The following SEMA3A variants were observed in gnomAD, a reference collection of about 807,000 sequenced individuals.
SEMA3A encodes the protein semaphorin-3A.
SEMA3A carries 29 observed loss-of-function variants against 97.9 expected under a neutral mutation model. That is an observed-to-expected ratio of 0.30 (90% CI 0.22 to 0.40). The LOEUF is 0.40. Among genes scored for constraint, SEMA3A ranks in the 10% least tolerant of loss-of-function variants. The pLI is 1.00. For synonymous variants in SEMA3A, 321 were observed against 323.7 expected (o/e 0.99, Z 0.09); for missense variants, 763 against 951.3 (o/e 0.80, Z 2.60).
chr7:84,136,948 A>ATGAG (rs1171660551), intron 1 of SEMA3A, among the ~76,000 whole-genome samples: 1 of 118,072 alleles, frequency 8.5e-6, no homozygotes, highest in Non-Finnish European at 1.9e-5. Flanking sequence ...GAGGGAGGGA[A>ATGAG]GGAGGGAGGG....
At chr7:84,445,572 C>G (rs1805394537) in intron 1 of SEMA3A, among the ~76,000 whole-genome samples, 2 of 130,552 alleles carry the variant, frequency 1.5e-5, no homozygotes, top group South Asian at 5.2e-4. Context: ...GAAAGGAAAA[C>G]TTGAAAATTC....
At chr7:84,021,448 A>G (rs1354578956) in intron 6 of SEMA3A, among the ~76,000 whole-genome samples, 2 of 152,158 alleles carry the variant, frequency 1.3e-5, no homozygotes, top group African/African-American at 4.8e-5. Context: ...TTCCCACTGC[A>G]ACTATCCGCA....
intron 1 of SEMA3A, among the ~76,000 whole-genome samples, chr7:84,417,643 A>G (rs1255945761): frequency 6.6e-6 from 1 of 152,100 alleles, no homozygotes; most frequent in Non-Finnish European, 1.5e-5. Flanking sequence ...TAATTTTAAA[A>G]ATGACTTTTT....
intron 12 of SEMA3A, among the ~76,000 whole-genome samples, chr7:83,997,464 T>G (rs1790267269): frequency 6.6e-6 from 1 of 152,170 alleles, no homozygotes; most frequent in African/African-American, 2.4e-5. Flanking sequence ...GACCACAATA[T>G]ATGTATGAAC....
At chr7:84,481,165 A>G (rs1174417071) in intron 1 of SEMA3A, among the ~76,000 whole-genome samples, 3 of 152,158 alleles carry the variant, frequency 2.0e-5, no homozygotes, top group Non-Finnish European at 4.4e-5. Flanking sequence ...CTTCTAAGTA[A>G]AGAAAGATAC....
At chr7:84,266,057 A>T (rs1170683871) in intron 3 of SEMA3A, among the ~76,000 whole-genome samples, 2 of 152,114 alleles carry the variant, frequency 1.3e-5, no homozygotes, top group Non-Finnish European at 2.9e-5. Context: ...GGTAGCTCAC[A>T]TCTGTAATCC....
chr7:84,331,634 C>A (rs1023169981), intron 2 of SEMA3A, among the ~76,000 whole-genome samples: 2 of 151,936 alleles, frequency 1.3e-5, no homozygotes, highest in East Asian at 1.9e-4. Context: ...GCCTGGAAAG[C>A]CATAAAGAAA....
chr7:84,179,869 C>T lies in SEMA3A; in HGVS notation c.112+14606G>A, dbSNP rs1797684792. Among the ~76,000 whole-genome samples the T allele has an allele frequency of 2.0e-5, 3 of 149,286 alleles. No individual in the cohort carries two copies. In the Admixed American group the frequency reaches 2.0e-4, roughly 10 times the overall value. ...GGACCCCTATACCAAATTGTAACAA[C>T]AACAACATACAAACACTCACATATT... On this transcript the variant is annotated intron_variant, in intron 1 of 16. Coordinates refer to ENST00000265362, the MANE Select transcript of SEMA3A (RefSeq NM_006080.3).
intron 2 of SEMA3A, among the ~76,000 whole-genome samples, chr7:84,349,081 T>A (rs1359238838): frequency 2.0e-5 from 3 of 152,224 alleles, no homozygotes; most frequent in African/African-American, 4.8e-5. Flanking sequence ...TCAAGTTGTA[T>A]AAGAATTGTT....
Position 83,965,627 on chromosome 7 carries a change from CAT to C in SEMA3A, c.1718-2282_1718-2281del, listed in dbSNP as rs869210450. ...AATACCAATGTAACACCAATGGGTGCATATATATATATATATATATATATATA... is the reference window on the plus strand; with the variant it reads ...AATACCAATGTAACACCAATGGGTGCATATATATATATATATATATATATA... On this transcript the variant is annotated intron_variant, in intron 15 of 16. Coordinates refer to ENST00000265362, the MANE Select transcript of SEMA3A (RefSeq NM_006080.3). 7.7e-3 allele frequency among the ~76,000 whole-genome samples: 197 copies of C among 25,428 alleles called. 1 individual carries two copies. Among genetic ancestry groups the C allele is most frequent in the East Asian group, 0.011 (4 of 348 alleles). 16.7% of individuals were successfully genotyped at this position (25,428 alleles called of 152,430 possible).
chr7:84,069,553 C>A (rs552691485), intron 4 of SEMA3A, among the ~76,000 whole-genome samples: 64 of 151,990 alleles, frequency 4.2e-4, no homozygotes, highest in Middle Eastern at 3.4e-3. Context: ...TGACCTTTCA[C>A]AATGCATTGA....
At chr7:84,480,007 A>C (rs1055571100) in intron 1 of SEMA3A, among the ~76,000 whole-genome samples, 18 of 152,182 alleles carry the variant, frequency 1.2e-4, no homozygotes, top group African/African-American at 4.3e-4. Flanking sequence ...ATAAGGGTCT[A>C]AAGTATCCAG....
chr7:84,031,214 A>G (rs1239616751), intron 6 of SEMA3A, among the ~76,000 whole-genome samples: 3 of 151,636 alleles, frequency 2.0e-5, no homozygotes, highest in Non-Finnish European at 4.4e-5. Context: ...GATAGTCTCG[A>G]TCTCCTGACC....
At chr7:84,215,019 A>G (rs538793298) in intron 3 of SEMA3A, among the ~76,000 whole-genome samples, 2 of 151,226 alleles carry the variant, frequency 1.3e-5, no homozygotes, top group Admixed American at 1.3e-4. Flanking sequence ...TTCCAGGCGC[A>G]TGACACCACG....
At chr7:84,424,496 T>C (rs1804694077) in intron 1 of SEMA3A, among the ~76,000 whole-genome samples, 1 of 102,258 alleles carries the variant, frequency 9.8e-6, no homozygotes, top group Non-Finnish European at 1.7e-5. Flanking sequence ...TGATATATAA[T>C]ATATAATATA....
At chr7:84,410,535 G>T (rs1194873194) in intron 1 of SEMA3A, among the ~76,000 whole-genome samples, 1 of 152,080 alleles carries the variant, frequency 6.6e-6, no homozygotes, top group Non-Finnish European at 1.5e-5. Flanking sequence ...AAGGAGAGGT[G>T]CTAGTTTCCA....
At chr7:84,031,804 C>A (rs1791769095) in intron 6 of SEMA3A, among the ~76,000 whole-genome samples, 1 of 151,870 alleles carries the variant, frequency 6.6e-6, no homozygotes, top group Non-Finnish European at 1.5e-5. Flanking sequence ...CCATTGCACT[C>A]CAGCCTGGGC....
intron 1 of SEMA3A, among the ~76,000 whole-genome samples, chr7:84,137,269 C>T (rs920375168): frequency 6.6e-6 from 1 of 151,666 alleles, no homozygotes; most frequent in Non-Finnish European, 1.5e-5. Context: ...GGCTTGATGG[C>T]GGGTGCCTGT....
chr7:84,128,993 A>T, intron 3 of SEMA3A, 130 bp downstream of exon 3: 1 of 658,554 alleles, frequency 1.5e-6, no homozygotes, highest in Non-Finnish European at 2.7e-6. Context: ...ATATCTTATT[A>T]TATATATGAA....
Sources: allele counts gnomAD v4.1 joint callset (sites outside exome capture counted in the v4.1 genomes callset), GRCh38; gene constraint gnomAD v4.1.1; transcripts MANE v1.5; gene names NCBI Gene and HGNC (gene_info 2026-07-23, HGNC 2026-07-21).